LUC7L2: variants seen among roughly 807,000 people sequenced by gnomAD.
LUC7L2 encodes putative RNA-binding protein Luc7-like 2.
In LUC7L2, 25 loss-of-function variants were observed where a neutral mutation model predicts 52.8. The observed-to-expected ratio is 0.47, with a 90% CI of 0.34 to 0.66. The LOEUF is 0.66. Ranked by LOEUF, LUC7L2 falls within the 30% of genes least tolerant of loss-of-function variation. The probability of loss-of-function intolerance (pLI) is 0.01; values close to 1 mark genes in which losing one functional copy is unlikely to be tolerated. For missense variants in LUC7L2, 328 were observed against 497.8 expected (o/e 0.66, Z 3.25); for synonymous variants, 144 against 160.9 (o/e 0.89, Z 0.80).
At chr7:139,345,827 T>G (rs935964199) in intron 1 of LUC7L2, 1 of 1,050,296 alleles carries the variant, frequency 9.5e-7, no homozygotes, top group Admixed American at 3.2e-5. Context: ...TTACTAGTTC[T>G]TAGGGGAATT....
At chr7:139,381,378 T>G (rs1487373074) in intron 2 of LUC7L2, among the ~76,000 whole-genome samples, 1 of 71,280 alleles carries the variant, frequency 1.4e-5, no homozygotes, top group Non-Finnish European at 2.5e-5. Context: ...TATTTTATTT[T>G]TATTTTATTT....
At chr7:139,377,857 G>A (rs1206771084) in intron 2 of LUC7L2, among the ~76,000 whole-genome samples, 2 of 130,452 alleles carry the variant, frequency 1.5e-5, no homozygotes, top group African/African-American at 6.0e-5. Flanking sequence ...TGAGACAAGA[G>A]TCTTGCTCTG....
chr7:139,397,394 A>G (rs1033705758), intron 2 of LUC7L2, among the ~76,000 whole-genome samples: 25 of 152,216 alleles, frequency 1.6e-4, no homozygotes, highest in African/African-American at 5.8e-4. Context: ...GTTCATAGAC[A>G]TGATTCTTGT....
At chr7:139,362,261 G>A (rs1044011700) in intron 1 of LUC7L2, among the ~76,000 whole-genome samples, 2 of 151,772 alleles carry the variant, frequency 1.3e-5, no homozygotes, top group African/African-American at 4.8e-5. Flanking sequence ...ATTGAGTGGA[G>A]TTTTTTTTAG....
intron 1 of LUC7L2, among the ~76,000 whole-genome samples, chr7:139,347,007 C>T (rs1179080466): frequency 6.6e-6 from 1 of 152,166 alleles, no homozygotes; most frequent in East Asian, 1.9e-4. Flanking sequence ...TTGGCTGAAC[C>T]AATAAAATAG....
chr7:139,395,289 A>G (rs1005190960), intron 2 of LUC7L2, among the ~76,000 whole-genome samples: 1 of 152,178 alleles, frequency 6.6e-6, no homozygotes, highest in Admixed American at 6.5e-5. Flanking sequence ...TTTCTTAGGA[A>G]TATTTAAGTT....
intron 1 of LUC7L2, among the ~76,000 whole-genome samples, chr7:139,350,958 G>A (rs769658751): frequency 4.6e-5 from 7 of 152,158 alleles, no homozygotes; most frequent in South Asian, 2.1e-4. Flanking sequence ...ACAGGTGTGA[G>A]CCACTGCGCC....
At chr7:139,399,449 A>ATTTTTTTTTTTTTTTTTTTTTTTTT (rs71169090) in intron 3 of LUC7L2, among the ~76,000 whole-genome samples, 2 of 50,444 alleles carry the variant, frequency 4.0e-5, no homozygotes, top group Non-Finnish European at 3.8e-5. Flanking sequence ...TGTTTGGGGG[A>ATTTTTTTTTTTTTTTTTTTTTTTTT]TTTTTTTTTT....
intron 2 of LUC7L2, among the ~76,000 whole-genome samples, chr7:139,388,529 A>G (rs1355284646): frequency 6.6e-6 from 1 of 151,726 alleles, no homozygotes; most frequent in African/African-American, 2.4e-5. Flanking sequence ...TTCTTGTGTA[A>G]TTCGTTAGAG....
rs75809464 is a variant in LUC7L2 at position 139,413,211 on chromosome 7, A to G, written c.809+631A>G. On this transcript the variant is annotated intron_variant, in intron 8 of 9. Coordinates refer to ENST00000354926, the MANE Select transcript of LUC7L2 (RefSeq NM_016019.5). ...GAAACCTTTCTTTGTAGTTTTTGCT[A>G]GTTGCTGATACATTTTTTTGTCTGA... Among the ~76,000 whole-genome samples, 1,253 of 152,250 alleles carry G rather than the reference A, an allele frequency of 8.2e-3. 11 individuals carry two copies. Among genetic ancestry groups the G allele is most frequent in the Non-Finnish European group, 0.012 (800 of 68,012 alleles).
chr7:139,411,452 A>T (rs577990778), intron 7 of LUC7L2, among the ~76,000 whole-genome samples: 14 of 151,940 alleles, frequency 9.2e-5, no homozygotes, highest in African/African-American at 3.4e-4. Context: ...CCCCACCCCC[A>T]CTCCACCCCA....
In LUC7L2 at chr7:139,422,802, C is replaced by G. The variant is rs1426091718; in HGVS notation, c.*462C>G. On this transcript the variant is annotated 3_prime_UTR_variant, in exon 10 of 10. Coordinates refer to ENST00000354926, the MANE Select transcript of LUC7L2 (RefSeq NM_016019.5). ...GCAGGGAAGCAATATAGCTTCCATT[C>G]TAAGGCTGTATTCCCGTTATGAATT... 2.5e-6 allele frequency: 1 copy of G among 399,464 alleles called. No individual in the cohort carries two copies. Among genetic ancestry groups the G allele is most frequent in the Admixed American group, 4.4e-5 (1 of 22,802 alleles). The allele number at this position is 399,464 out of a possible 1,614,324, so 24.7% of individuals were successfully genotyped here.
chr7:139,407,011 T>C (rs1795155263), intron 5 of LUC7L2, among the ~76,000 whole-genome samples, 163 bp from the exon 6 acceptor site: 1 of 147,792 alleles, frequency 6.8e-6, no homozygotes, highest in South Asian at 2.1e-4. Context: ...GTTTTTTTTT[T>C]TTTTTTTTTT....
At chr7:139,387,159 T>C (rs541752933) in intron 2 of LUC7L2, among the ~76,000 whole-genome samples, 20 of 151,842 alleles carry the variant, frequency 1.3e-4, no homozygotes, top group Admixed American at 1.1e-3. Flanking sequence ...TGAGAATACA[T>C]GGTCTCATAA....
intron 7 of LUC7L2, among the ~76,000 whole-genome samples, chr7:139,410,562 G>A (rs1795317569): frequency 6.6e-6 from 1 of 152,042 alleles, no homozygotes. Context: ...ATAGCATCAT[G>A]GTGGCAACAT....
intron 2 of LUC7L2, among the ~76,000 whole-genome samples, chr7:139,393,582 G>A (rs370170461): frequency 6.6e-6 from 1 of 152,232 alleles, no homozygotes; most frequent in Non-Finnish European, 1.5e-5. Flanking sequence ...GAGTAGCTGG[G>A]ATTACAGGTG....
intron 9 of LUC7L2, 32 bp from the exon 10 acceptor site, chr7:139,422,131 C>T (rs1795935012): frequency 6.4e-7 from 1 of 1,570,846 alleles, no homozygotes; most frequent in Non-Finnish European, 8.6e-7. Flanking sequence ...GGTTTCCCAA[C>T]ATATTTTGCT....
At chr7:139,365,983 T>G (rs1800132686) in intron 1 of LUC7L2, among the ~76,000 whole-genome samples, 1 of 152,214 alleles carries the variant, frequency 6.6e-6, no homozygotes, top group Admixed American at 6.5e-5. Context: ...TGTTCAGTTT[T>G]GCAAGATTAT....
At chr7:139,355,734 AAGAGATAGGATAC>A (rs1464219062), upstream of LUC7L2, among the ~76,000 whole-genome samples, 2 of 152,320 alleles carry the variant, frequency 1.3e-5, no homozygotes, top group East Asian at 3.9e-4. Flanking sequence ...ACTGAGAGTA[AAGAGATAGGATAC>A]AGTGAAAACT....
Sources: allele counts gnomAD v4.1 joint callset (sites outside exome capture counted in the v4.1 genomes callset), GRCh38; gene constraint gnomAD v4.1.1; transcripts MANE v1.5; gene names NCBI Gene and HGNC (gene_info 2026-07-23, HGNC 2026-07-21).